Variants in ZNF740 observed in about 807,000 individuals in gnomAD.
The protein encoded by ZNF740 is oriLyt TD-element-binding protein 7.
In ZNF740, 14 loss-of-function variants were observed where a neutral mutation model predicts 24.8. The ratio of observed to expected loss-of-function variants is 0.56; its 90% CI spans 0.37 to 0.88. ZNF740 has a LOEUF of 0.88. ZNF740 is among the 40% of genes least tolerant of loss of function. ZNF740 has a pLI of 0.00. For missense variants in ZNF740, 201 were observed against 247.9 expected (o/e 0.81, Z 1.27); for synonymous variants, 69 against 84.0 (o/e 0.82, Z 0.98).
chr12:53,191,498 C>T lies in ZNF740; in HGVS notation c.*3908C>T, dbSNP rs1941940614. The T allele has an allele frequency of 2.2e-6, 3 of 1,373,370 alleles. No individual in the cohort carries two copies. The highest frequency in any genetic ancestry group is 2.1e-6 in the Non-Finnish European group (2 of 960,604). 85.1% of individuals were successfully genotyped at this position (1,373,370 alleles called of 1,614,324 possible). ...CTTACAGACCCACCCTTCCTCTCAC[C>T]CTCCAGTTCCCACTGTCCTCCAAGG... On this transcript the variant is annotated 3_prime_UTR_variant, in exon 7 of 7. Transcript: ENST00000416904.
rs568429282 is a variant in ZNF740 at position 53,189,041 on chromosome 12, A to G, written c.*1451A>G. 8 of 152,080 alleles carry G rather than the reference A, an allele frequency of 5.3e-5. No homozygotes were observed. In the South Asian group the frequency reaches 1.7e-3, roughly 32 times the overall value. The allele number at this position is 152,080 out of a possible 1,614,324, so 9.4% of individuals were successfully genotyped here. A position where few individuals can be genotyped will look rare whatever the true frequency, so the allele number is the denominator to read the frequency against. On this transcript the variant is annotated 3_prime_UTR_variant, in exon 7 of 7. Transcript: ENST00000416904. ...AATAGCCTCCTCTTGCCCAAACATG[A>G]AGGGTGCTTGAGGTCTCAGCAGGAG... is the stretch of plus-strand genomic sequence containing the variant.
At position 53,186,443 on chromosome 12, in the gene ZNF740, C is replaced by A. The variant is rs1470649046; in HGVS notation, c.426C>A (p.Tyr142Ter). 1 of 1,593,634 alleles carries A rather than the reference C, an allele frequency of 6.3e-7. No individual in the cohort carries two copies. Among genetic ancestry groups the A allele is most frequent in the Non-Finnish European group, 8.6e-7 (1 of 1,169,560 alleles). The change falls in exon 6 of 7, where the codon TAC (tyrosine) becomes TAA (stop). Residue 142 changes from tyrosine to a stop codon, truncating the protein, a stop_gained. Transcript: ENST00000416904. LOFTEE classifies it high-confidence loss of function. ...GTGATATGCGTTTCATCCAGAAGTA[C>A]CACCTGGAACGCCACAAGCGTGTGC... is the stretch of plus-strand genomic sequence containing the variant. ...DICDMRFIQK[Y>*]HLERHKRVHS... is the part of the protein sequence containing the mutation.
chr12:53,194,059 G>T lies in ZNF740; in HGVS notation c.*6469G>T. On this transcript the variant is annotated 3_prime_UTR_variant, in exon 7 of 7. Coordinates refer to ENST00000416904, the MANE Select transcript of ZNF740 (RefSeq NM_001004304.4). ...CATGCCTGAGGAAGCCACTCAGACTGCTCCAGGAAGGATGGATGGAGGACT... is the reference window on the plus strand; with the variant it reads ...CATGCCTGAGGAAGCCACTCAGACTTCTCCAGGAAGGATGGATGGAGGACT... The T allele has an allele frequency of 7.3e-7, 1 of 1,379,218 alleles. No individual in the cohort carries two copies. The highest frequency in any genetic ancestry group is 1.0e-6 in the Non-Finnish European group (1 of 990,876). The allele number at this position is 1,379,218 out of a possible 1,614,324, so 85.4% of individuals were successfully genotyped here. A position where few individuals can be genotyped will look rare whatever the true frequency, so the allele number is the denominator to read the frequency against.
Position 53,181,118 on chromosome 12 carries a change from C to A in ZNF740, c.-308+281C>A, listed in dbSNP as rs958038093. ...CTTCTCGGCACTCTCCGGCTCTGCT[C>A]CCGGTTGGTGCAGCGGGTGCAGAGG... On this transcript the variant is annotated intron_variant, in intron 1 of 6. Transcript: ENST00000416904. 9 of 967,704 alleles carry A rather than the reference C, an allele frequency of 9.3e-6. No homozygotes were observed. In the East Asian group the frequency reaches 9.2e-4, roughly 99 times the overall value. 59.9% of individuals were successfully genotyped at this position (967,704 alleles called of 1,614,324 possible). A position where few individuals can be genotyped will look rare whatever the true frequency, so the allele number is the denominator to read the frequency against.
intron 1 of ZNF740, 139 bp from the exon 2 acceptor site, chr12:53,181,538 A>G (rs1941638191): frequency 2.0e-6 from 2 of 984,262 alleles, no homozygotes; most frequent in African/African-American, 1.7e-5. Flanking sequence ...CTATTGACCT[A>G]GAAAGAAAAC....
intron 5 of ZNF740, 30 bp downstream of exon 5, chr12:53,186,107 G>T: frequency 1.2e-6 from 2 of 1,602,852 alleles, no homozygotes; most frequent in Non-Finnish European, 1.7e-6. Context: ...TCAAAAGGGG[G>T]AGAATAGTCT....
chr12:53,182,723 T>TA (rs1477791319), intron 2 of ZNF740, among the ~76,000 whole-genome samples: 2 of 152,184 alleles, frequency 1.3e-5, no homozygotes, highest in Non-Finnish European at 2.9e-5. Context: ...GTTTGATAGT[T>TA]ACGGAGTAAG....
Position 53,189,365 on chromosome 12 carries a change from A to G in ZNF740, c.*1775A>G, listed in dbSNP as rs1426753528. 1 of 148,720 alleles carries G rather than the reference A, an allele frequency of 6.7e-6. No homozygotes were observed. The highest frequency in any genetic ancestry group is 2.5e-5 in the African/African-American group (1 of 40,638). 9.2% of individuals were successfully genotyped at this position (148,720 alleles called of 1,614,324 possible). ...TGCCAAGCTGTCAGTAGGGTCTGAG[A>G]TGGGAAACTCCTGAAAGTATGATTT... On this transcript the variant is annotated 3_prime_UTR_variant, in exon 7 of 7. Transcript: ENST00000416904.
At position 53,192,932 on chromosome 12, in the gene ZNF740, G is replaced by T; in HGVS notation, c.*5342G>T. 1 of 1,608,070 alleles carries T rather than the reference G, an allele frequency of 6.2e-7. No individual in the cohort carries two copies. The highest frequency in any genetic ancestry group is 8.5e-7 in the Non-Finnish European group (1 of 1,175,144). On this transcript the variant is annotated 3_prime_UTR_variant, in exon 7 of 7. Coordinates refer to ENST00000416904, the MANE Select transcript of ZNF740 (RefSeq NM_001004304.4). ...AAGCCTGGGGTAGAGCCATGCAGAGGGTGACAACCATACTCCACACACACA... is the reference window on the plus strand; with the variant it reads ...AAGCCTGGGGTAGAGCCATGCAGAGTGTGACAACCATACTCCACACACACA...
At chr12:53,180,918 G>C (rs1425774055) in intron 1 of ZNF740, 81 bp downstream of exon 1, 2 of 1,091,994 alleles carry the variant, frequency 1.8e-6, no homozygotes, top group Non-Finnish European at 2.3e-6. Context: ...GGGGTGCCGC[G>C]CGGGAAGGGG....
chr12:53,185,437 C>T lies in ZNF740; in HGVS notation c.210C>T (p.Ser70=). The T allele has an allele frequency of 6.2e-7, 1 of 1,614,008 alleles. No individual in the cohort carries two copies. The highest frequency in any genetic ancestry group is 8.5e-7 in the Non-Finnish European group (1 of 1,179,892). ...DKSRSRKDDD[S]LSEASHSKKT... ...CCCGGAGCCGCAAAGATGATGACAG[C>T]TTGTCTGAGGCCTCTCATTCAAAAA... The change falls in exon 4 of 7, where the codon AGC becomes AGT. Residue 70 remains serine, a synonymous_variant. Transcript: ENST00000416904.
At chr12:53,181,638 G>A (rs1371433970) in intron 1 of ZNF740, 39 bp from the exon 2 acceptor site, 3 of 459,376 alleles carry the variant, frequency 6.5e-6, no homozygotes, top group Non-Finnish European at 9.5e-6. Context: ...GCCTGAAGAT[G>A]TTGCATTTAG....
intron 2 of ZNF740, chr12:53,182,318 T>C (rs540912375): frequency 3.9e-6 from 1 of 256,334 alleles, no homozygotes; most frequent in Non-Finnish European, 7.4e-6. Context: ...TTCTTTTGTT[T>C]TTTTCCAACA....
chr12:53,194,389 GACTCCA>G lies in ZNF740; in HGVS notation c.*6802_*6807del. The G allele has an allele frequency of 6.3e-7, 1 of 1,599,486 alleles. No individual in the cohort carries two copies. Among genetic ancestry groups the G allele is most frequent in the Non-Finnish European group, 8.5e-7 (1 of 1,169,958 alleles). On this transcript the variant is annotated 3_prime_UTR_variant, in exon 7 of 7. Coordinates refer to ENST00000416904, the MANE Select transcript of ZNF740 (RefSeq NM_001004304.4). ...GGATAACCACGTGAAGGCAGAAAAG[GACTCCA>G]ACCCCACCTTATGTCCTCTCCAGGT...
rs1342212449 is a variant in ZNF740, at chr12:53,193,334, C to T, written c.*5744C>T. 2 of 1,597,956 alleles carry T rather than the reference C, an allele frequency of 1.3e-6. No individual in the cohort carries two copies. The highest frequency in any genetic ancestry group is 1.7e-6 in the Non-Finnish European group (2 of 1,169,052). On this transcript the variant is annotated 3_prime_UTR_variant, in exon 7 of 7. Transcript: ENST00000416904. ...GGACAGCTCTGCCACAGAGCACTCA[C>T]AGAGCCGACCTAGGCGGCCAGGGGC...
In ZNF740 at chr12:53,192,987, C is replaced by T. The variant is rs376441197; in HGVS notation, c.*5397C>T. On this transcript the variant is annotated 3_prime_UTR_variant, in exon 7 of 7. Transcript: ENST00000416904. The stretch of plus-strand genomic sequence containing the variant: ...GCCATCATGTGGCACGACAAGCCCA[C>T]GCATCCAATCTTTTTGAAGTATGCC... The T allele has an allele frequency of 3.2e-4, 467 of 1,457,436 alleles. No homozygotes were observed. Among genetic ancestry groups the T allele is most frequent in the African/African-American group, 3.8e-4 (27 of 71,758 alleles). The allele number at this position is 1,457,436 out of a possible 1,614,324, so 90.3% of individuals were successfully genotyped here. A position where few individuals can be genotyped will look rare whatever the true frequency, so the allele number is the denominator to read the frequency against.
chr12:53,192,412 C>T lies in ZNF740; in HGVS notation c.*4822C>T, dbSNP rs1343518035. 1 of 1,614,000 alleles carries T rather than the reference C, an allele frequency of 6.2e-7. No individual in the cohort carries two copies. Among genetic ancestry groups the T allele is most frequent in the Non-Finnish European group, 8.5e-7 (1 of 1,180,038 alleles). On this transcript the variant is annotated 3_prime_UTR_variant, in exon 7 of 7. Transcript: ENST00000416904. Reference sequence around the variant, plus strand: ...AGAAGAACAGCTGGTTGTCCAGGGTCCGCTCTTTGCACCAGCCATCATCCA... The same window carrying T: ...AGAAGAACAGCTGGTTGTCCAGGGTTCGCTCTTTGCACCAGCCATCATCCA...
rs1006875653 is a variant in ZNF740, at chr12:53,191,775, T to C, written c.*4185T>C. The C allele has an allele frequency of 1.3e-6, 2 of 1,583,470 alleles. No homozygotes were observed. Among genetic ancestry groups the C allele is most frequent in the East Asian group, 2.2e-5 (1 of 44,734 alleles). ...GGGGTTGGTTACATGTGCCAGGGGC[T>C]GGGGGAACCCAGTGGGAGGAATCAG... On this transcript the variant is annotated 3_prime_UTR_variant, in exon 7 of 7. Transcript: ENST00000416904.
chr12:53,182,148 C>A, intron 2 of ZNF740, 156 bp downstream of exon 2: 1 of 1,058,340 alleles, frequency 9.4e-7, no homozygotes, highest in African/African-American at 1.6e-5. Flanking sequence ...AGGAGACAGG[C>A]CACAGCCCCT....
Sources: gnomAD v4.1 joint callset for allele counts (sites outside exome capture counted in the v4.1 genomes callset) on GRCh38, gnomAD v4.1.1 for gene constraint, MANE v1.5 for transcripts, NCBI Gene and HGNC (gene_info 2026-07-23, HGNC 2026-07-21) for gene names.